MLPH: variants seen among roughly 807,000 people sequenced by gnomAD.
MLPH encodes exophilin-3.
Under a neutral mutation model 72.1 loss-of-function variants are expected in MLPH, and 51 were observed. The observed-to-expected ratio is 0.71, with a 90% CI of 0.56 to 0.89. The LOEUF is 0.89. MLPH is among the 40% of genes least tolerant of loss of function. The pLI, the probability that MLPH is intolerant of heterozygous loss-of-function variation, is 0.00. For synonymous variants in MLPH, 301 were observed against 310.1 expected (o/e 0.97, Z 0.31); for missense variants, 743 against 759.9 (o/e 0.98, Z 0.26).
At chr2:237,548,355 T>C (rs1042940696) in intron 13 of MLPH, among the ~76,000 whole-genome samples, 14 of 152,138 alleles carry the variant, frequency 9.2e-5, no homozygotes, top group African/African-American at 3.4e-4. Context: ...ATTTGGCCAT[T>C]TGGCTGTCTC....
At chr2:237,522,051 C>A (rs10200979) in intron 6 of MLPH, among the ~76,000 whole-genome samples, 2 of 41,796 alleles carry the variant, frequency 4.8e-5, no homozygotes, top group South Asian at 1.2e-3. Flanking sequence ...AGTGCTGGAG[C>A]GGAGCAGGGC....
intron 15 of MLPH, among the ~76,000 whole-genome samples, chr2:237,552,854 C>A (rs2081066121): frequency 6.6e-6 from 1 of 152,096 alleles, no homozygotes; most frequent in African/African-American, 2.4e-5. Flanking sequence ...TGCGTTCACC[C>A]CTGTGTGTGT....
chr2:237,546,748 C>T, intron 13 of MLPH, 65 bp downstream of exon 13: 1 of 1,395,574 alleles, frequency 7.2e-7, no homozygotes, highest in Non-Finnish European at 1.0e-6. Flanking sequence ...CCCTTTCCAG[C>T]AGTGTGGCAA....
chr2:237,497,890 A>C (rs1357508905), intron 2 of MLPH, among the ~76,000 whole-genome samples: 1 of 152,172 alleles, frequency 6.6e-6, no homozygotes, highest in East Asian at 1.9e-4. Flanking sequence ...AATCAGCAAG[A>C]GGCTGGATGA....
chr2:237,528,196 A>T (rs529218675), intron 8 of MLPH, among the ~76,000 whole-genome samples: 1 of 152,320 alleles, frequency 6.6e-6, no homozygotes, highest in African/African-American at 2.4e-5. Flanking sequence ...CTGGAGATGG[A>T]CGGTGGTGAC....
At chr2:237,535,896 G>C (rs1386755772) in intron 9 of MLPH, among the ~76,000 whole-genome samples, 1 of 152,184 alleles carries the variant, frequency 6.6e-6, no homozygotes, top group Non-Finnish European at 1.5e-5. Flanking sequence ...TAATGATCTT[G>C]AGAGGGGTCT....
At chr2:237,495,983 C>T (rs1215817150) in intron 2 of MLPH, among the ~76,000 whole-genome samples, 3 of 152,238 alleles carry the variant, frequency 2.0e-5, no homozygotes, top group Non-Finnish European at 4.4e-5. Flanking sequence ...CCCTCACCCT[C>T]TCTTTCCCAT....
At chr2:237,545,340 G>A (rs1053654849) in intron 12 of MLPH, 5 of 838,554 alleles carry the variant, frequency 6.0e-6, no homozygotes, top group African/African-American at 1.8e-5. Context: ...AGGATCCTGG[G>A]CCCCCCACCT....
intron 6 of MLPH, among the ~76,000 whole-genome samples, chr2:237,523,420 G>A (rs932686027): frequency 2.6e-5 from 4 of 152,192 alleles, no homozygotes; most frequent in African/African-American, 9.7e-5. Context: ...TAGTTCCCAA[G>A]ACCAACGGTA....
chr2:237,503,696 T>C (rs2079701736), intron 2 of MLPH, among the ~76,000 whole-genome samples: 1 of 152,200 alleles, frequency 6.6e-6, no homozygotes, highest in South Asian at 2.1e-4. Flanking sequence ...CAGGCTGTTT[T>C]CTCAGGCATG....
intron 5 of MLPH, among the ~76,000 whole-genome samples, chr2:237,519,108 G>A (rs1027616388): frequency 6.6e-6 from 1 of 150,860 alleles, no homozygotes; most frequent in Non-Finnish European, 1.5e-5. Context: ...CCAACCATGA[G>A]CCTTGTGTTT....
At position 237,496,530 on chromosome 2, in the gene MLPH, G is replaced by A. The variant is rs76490673; in HGVS notation, c.110+2994G>A. 4.1e-4 allele frequency among the ~76,000 whole-genome samples: 62 copies of A among 152,314 alleles called. No homozygotes were observed. The East Asian group carries it at 8.5e-3, about 21-fold the overall frequency. ...AACTCTTAGGAAAGGACGCACCCAG[G>A]TCACCTCTCAGTACTCTTAGGAAAG... On this transcript the variant is annotated intron_variant, in intron 2 of 15. Transcript: ENST00000264605.
intron 7 of MLPH, among the ~76,000 whole-genome samples, 165 bp downstream of exon 7, chr2:237,525,970 C>T (rs988271386): frequency 3.3e-5 from 5 of 152,266 alleles, no homozygotes; most frequent in Non-Finnish European, 5.9e-5. Flanking sequence ...ACACCGTGGA[C>T]ACCTGCCGTC....
Position 237,524,302 on chromosome 2 carries a change from A to AATATATATATAT in MLPH, c.676-1291_676-1280dup, listed in dbSNP as rs139706602. Among the ~76,000 whole-genome samples the AATATATATATAT allele has an allele frequency of 4.6e-4, 58 of 127,374 alleles. 5 individuals carry two copies. The highest frequency in any genetic ancestry group is 1.7e-3 in the African/African-American group (41 of 24,342). The allele number at this position is 127,374 out of a possible 152,430, so 83.6% of individuals were successfully genotyped here. A position where few individuals can be genotyped will look rare whatever the true frequency, so the allele number is the denominator to read the frequency against. ...TTTCTTAGAGGGACAGAACTAATAG[A>AATATATATATAT]ATATATATATATATATATAAAGGGG... On this transcript the variant is annotated intron_variant, in intron 6 of 15. Coordinates refer to ENST00000264605, the MANE Select transcript of MLPH (RefSeq NM_024101.7).
rs760116043 is a variant in MLPH, at chr2:237,493,515, G to A, written c.89G>A (p.Arg30Lys). 6.8e-6 allele frequency: 11 copies of A among 1,613,742 alleles called. No individual in the cohort carries two copies. The highest frequency in any genetic ancestry group is 1.7e-4 in the Middle Eastern group (1 of 6,060). ...GTTCAACGAGATTTTGACCTCCGAAGGAAAGAAGAGGAACGGCTAGAGTGA... is the reference window on the plus strand; with the variant it reads ...GTTCAACGAGATTTTGACCTCCGAAAGAAAGAAGAGGAACGGCTAGAGTGA... ...EVVQRDFDLR[R>K]KEEERLEALK... is the part of the protein sequence containing the mutation. The change falls in exon 2 of 16, where the codon AGG (arginine) becomes AAG (lysine). Residue 30 changes from arginine to lysine, a missense_variant. Physicochemically the swap from Arg to Lys is conservative, Grantham distance 26. Coordinates refer to ENST00000264605, the MANE Select transcript of MLPH (RefSeq NM_024101.7).
At chr2:237,547,004 C>T (rs186047010) in intron 13 of MLPH, among the ~76,000 whole-genome samples, 21 of 152,350 alleles carry the variant, frequency 1.4e-4, no homozygotes, top group African/African-American at 4.3e-4. Flanking sequence ...GACTGTGGCT[C>T]AGTCCTCCTG....
At chr2:237,525,917 C>G (rs2080295383) in intron 7 of MLPH, 112 bp downstream of exon 7, 1 of 1,082,048 alleles carries the variant, frequency 9.2e-7, no homozygotes, top group Admixed American at 2.0e-5. Context: ...TTTGAAAGGC[C>G]CCTTCCTTTG....
intron 2 of MLPH, among the ~76,000 whole-genome samples, chr2:237,493,959 C>T (rs76251564): frequency 0.016 from 2,485 of 152,284 alleles, 77 homozygotes; most frequent in African/African-American, 0.057. Flanking sequence ...ATCCCGTCCT[C>T]ACCATGGGTG....
intron 2 of MLPH, among the ~76,000 whole-genome samples, chr2:237,499,781 G>A (rs1485802095): frequency 6.6e-6 from 1 of 152,036 alleles, no homozygotes; most frequent in Admixed American, 6.5e-5. Context: ...GTCTTGCTCT[G>A]TTACCCAGGC....
Sources: allele counts gnomAD v4.1 joint callset (sites outside exome capture counted in the v4.1 genomes callset), GRCh38; gene constraint gnomAD v4.1.1; transcripts MANE v1.5; gene names NCBI Gene and HGNC (gene_info 2026-07-23, HGNC 2026-07-21).